The following FRMD4B variants were observed in gnomAD, a reference collection of about 807,000 sequenced individuals.
FRMD4B encodes the protein FERM domain containing 4B.
A neutral mutation model predicts 141.5 loss-of-function variants in FRMD4B; 74 were observed. That is an observed-to-expected ratio of 0.52 (90% CI 0.43 to 0.63). FRMD4B has a LOEUF of 0.63. Among genes scored for constraint, FRMD4B ranks in the 30% least tolerant of loss-of-function variants. The probability of loss-of-function intolerance (pLI) is 0.00; values close to 1 mark genes in which losing one functional copy is unlikely to be tolerated. For missense variants in FRMD4B, 1,366 were observed against 1,253.4 expected (o/e 1.09, Z -1.36); for synonymous variants, 506 against 467.9 (o/e 1.08, Z -1.05).
Position 69,221,182 on chromosome 3 carries a change from C to T in FRMD4B, c.731+676G>A, listed in dbSNP as rs182183269. 1.3e-3 allele frequency among the ~76,000 whole-genome samples: 205 copies of T among 152,164 alleles called. 1 individual carries two copies. The highest frequency in any genetic ancestry group is 4.9e-3 in the African/African-American group (202 of 41,512). ...TTCACCATGTTGGCCAGGCTGGCAT[C>T]GAACCTCTGATCTCAAATGATCCGC... On this transcript the variant is annotated intron_variant, in intron 9 of 22. Coordinates refer to ENST00000398540, the MANE Select transcript of FRMD4B (RefSeq NM_015123.3).
At chr3:69,414,195 T>A (rs1680498804) in intron 2 of FRMD4B, among the ~76,000 whole-genome samples, 1 of 152,018 alleles carries the variant, frequency 6.6e-6, no homozygotes. Flanking sequence ...AATAAAATCA[T>A]AAGAGCTTGC....
intron 21 of FRMD4B, among the ~76,000 whole-genome samples, chr3:69,180,324 C>T (rs776736447): frequency 3.0e-4 from 45 of 150,708 alleles, no homozygotes; most frequent in East Asian, 1.6e-3. Context: ...AGGATTCTTA[C>T]GAGCCTTATG....
At chr3:69,334,298 C>T (rs2107345247) in intron 1 of FRMD4B, 1 of 152,176 alleles carries the variant, frequency 6.6e-6, no homozygotes. Flanking sequence ...AGGTCCCCCT[C>T]CCTCTCTTAT....
chr3:69,483,579 A>T (rs2106994621), intron 1 of FRMD4B, among the ~76,000 whole-genome samples: 1 of 152,288 alleles, frequency 6.6e-6, no homozygotes. Context: ...AAAATATGGG[A>T]CCATATTGGG....
intron 1 of FRMD4B, among the ~76,000 whole-genome samples, chr3:69,464,101 T>C (rs1348002176): frequency 6.6e-6 from 1 of 152,232 alleles, no homozygotes; most frequent in Non-Finnish European, 1.5e-5. Context: ...AACTACCACG[T>C]GCAGACTCTG....
At chr3:69,300,947 G>T (rs1015264736) in intron 4 of FRMD4B, among the ~76,000 whole-genome samples, 1 of 152,092 alleles carries the variant, frequency 6.6e-6, no homozygotes, top group African/African-American at 2.4e-5. Context: ...TGTTGGCCAG[G>T]CTGGTCTCAT....
chr3:69,235,573 C>T (rs1374445541), intron 7 of FRMD4B, among the ~76,000 whole-genome samples: 4 of 151,560 alleles, frequency 2.6e-5, no homozygotes, highest in Admixed American at 6.6e-5. Context: ...GCAGAAGAAT[C>T]GCTTGAGCCT....
At chr3:69,235,007 G>C (rs1162164357) in intron 7 of FRMD4B, among the ~76,000 whole-genome samples, 1 of 151,650 alleles carries the variant, frequency 6.6e-6, no homozygotes, top group Non-Finnish European at 1.5e-5. Context: ...AAAATTAGCC[G>C]GGTGTGGTGG....
intron 7 of FRMD4B, among the ~76,000 whole-genome samples, chr3:69,235,806 G>C (rs985885280): frequency 1.3e-5 from 2 of 152,114 alleles, no homozygotes; most frequent in African/African-American, 2.4e-5. Context: ...CTATTTCATG[G>C]ATATGAAAAC....
At chr3:69,346,456 C>A (rs1200421516) in intron 1 of FRMD4B, among the ~76,000 whole-genome samples, 5 of 152,158 alleles carry the variant, frequency 3.3e-5, no homozygotes, top group South Asian at 2.1e-4. Flanking sequence ...GCAGGCCAAC[C>A]TTCAAATTCA....
intron 4 of FRMD4B, among the ~76,000 whole-genome samples, 174 bp from the exon 5 acceptor site, chr3:69,288,010 T>C (rs73838338): frequency 0.035 from 5,289 of 152,338 alleles, 296 homozygotes; most frequent in African/African-American, 0.12. Flanking sequence ...TGGATGTATG[T>C]GTATGTATAC....
chr3:69,298,808 C>T (rs1408223381), intron 4 of FRMD4B, among the ~76,000 whole-genome samples: 1 of 152,126 alleles, frequency 6.6e-6, no homozygotes, highest in South Asian at 2.1e-4. Flanking sequence ...GCTAATATTC[C>T]CTTTTCCTCC....
At chr3:69,323,404 T>C (rs1702073541) in intron 1 of FRMD4B, among the ~76,000 whole-genome samples, 1 of 151,478 alleles carries the variant, frequency 6.6e-6, no homozygotes, top group African/African-American at 2.4e-5. Context: ...CCCTCTCTAC[T>C]AAAAATACAA....
intron 7 of FRMD4B, among the ~76,000 whole-genome samples, chr3:69,224,896 GCA>G (rs1401202139): frequency 1.1e-4 from 9 of 82,242 alleles, no homozygotes; most frequent in Admixed American, 2.8e-4. Flanking sequence ...AATATTTTCT[GCA>G]CATGTCTATT....
At chr3:69,235,149 CAAA>C (rs1198438374) in intron 7 of FRMD4B, among the ~76,000 whole-genome samples, 1 of 95,654 alleles carries the variant, frequency 1.0e-5, no homozygotes, top group African/African-American at 4.1e-5. Flanking sequence ...GACCCTGTCT[CAAA>C]TAATAATAAT....
chr3:69,185,811 G>T (rs1300786806), intron 19 of FRMD4B, among the ~76,000 whole-genome samples: 2 of 152,164 alleles, frequency 1.3e-5, no homozygotes, highest in East Asian at 1.9e-4. Flanking sequence ...GGAGGCCGAA[G>T]TGGGCGGATC....
intron 1 of FRMD4B, among the ~76,000 whole-genome samples, chr3:69,326,264 C>T (rs998796112): frequency 1.3e-5 from 2 of 152,018 alleles, no homozygotes; most frequent in African/African-American, 4.8e-5. Flanking sequence ...GCCTCTTCTA[C>T]ATTATTAAGA....
chr3:69,364,581 G>A (rs1179959153), intron 1 of FRMD4B, among the ~76,000 whole-genome samples: 1 of 152,148 alleles, frequency 6.6e-6, no homozygotes, highest in African/African-American at 2.4e-5. Context: ...TTCACCCTCA[G>A]GGCACTATCT....
intron 1 of FRMD4B, among the ~76,000 whole-genome samples, chr3:69,434,436 C>G (rs1705229843): frequency 6.6e-6 from 1 of 152,176 alleles, no homozygotes; most frequent in Non-Finnish European, 1.5e-5. Context: ...TTACACACAA[C>G]TGGTTAGTTC....
Sources: gnomAD v4.1 joint callset for allele counts (sites outside exome capture counted in the v4.1 genomes callset) on GRCh38, gnomAD v4.1.1 for gene constraint, MANE v1.5 for transcripts, NCBI Gene and HGNC (gene_info 2026-07-23, HGNC 2026-07-21) for gene names.